The following FXYD7 variants were observed in gnomAD, a reference collection of about 807,000 sequenced individuals.
The protein encoded by FXYD7 is FXYD domain containing ion transport regulator 7.
Under a neutral mutation model 15.3 loss-of-function variants are expected in FXYD7, and 7 were observed. The ratio of observed to expected loss-of-function variants is 0.46; its 90% CI spans 0.26 to 0.86. The LOEUF is 0.86. Among genes scored for constraint, FXYD7 ranks in the 40% least tolerant of loss-of-function variants. FXYD7 has a pLI of 0.16. For missense variants in FXYD7, 78 were observed against 100.6 expected (o/e 0.78, Z 0.96); for synonymous variants, 39 against 39.3 (o/e 0.99, Z 0.03).
intron 2 of FXYD7, among the ~76,000 whole-genome samples, chr19:35,150,510 T>C (rs1211827061): frequency 6.6e-6 from 1 of 152,154 alleles, no homozygotes; most frequent in Non-Finnish European, 1.5e-5. Context: ...AGGATGGAAA[T>C]TCTGAATAGG....
chr19:35,151,216 G>T lies in FXYD7; in HGVS notation c.62-38G>T, dbSNP rs377042635. On this transcript the variant is annotated intron_variant, in intron 2 of 5. Coordinates refer to ENST00000270310, the MANE Select transcript of FXYD7 (RefSeq NM_022006.2). ...ACTGGGCTCCAGGTGCAGCCAAGGT[G>T]CTGTCCCTGCCTCGATGTCCCCCAT... The T allele has an allele frequency of 1.4e-4, 187 of 1,342,922 alleles. No homozygotes were observed. In the African/African-American group the frequency reaches 2.3e-3, roughly 17 times the overall value. 83.2% of individuals were successfully genotyped at this position (1,342,922 alleles called of 1,614,324 possible). A position where few individuals can be genotyped will look rare whatever the true frequency, so the allele number is the denominator to read the frequency against.
chr19:35,143,322 C>T lies in FXYD7; in HGVS notation c.-12C>T. On this transcript the variant is annotated 5_prime_UTR_variant, in exon 1 of 6. Transcript: ENST00000270310. This position sits in a 1 kb window ranked among gnomAD's most constrained non-coding sequence, Gnocchi z 4.3. ...CGCCAAAGCATCCAGCAGCCCCCTG[C>T]TCCGGCCCAGCATGGCGACCCCGAC... The T allele has an allele frequency of 6.5e-7, 1 of 1,537,106 alleles. No individual in the cohort carries two copies. The highest frequency in any genetic ancestry group is 8.8e-7 in the Non-Finnish European group (1 of 1,141,548).
At chr19:35,145,138 C>G (rs1050685841) in intron 1 of FXYD7, among the ~76,000 whole-genome samples, 1 of 152,088 alleles carries the variant, frequency 6.6e-6, no homozygotes, top group Admixed American at 6.5e-5. Context: ...AAGATTGAAA[C>G]CTGCATCTCA....
At chr19:35,144,102 T>C (rs1467865940) in intron 1 of FXYD7, among the ~76,000 whole-genome samples, 2 of 150,884 alleles carry the variant, frequency 1.3e-5, no homozygotes, top group East Asian at 2.0e-4. Flanking sequence ...GAGACCGCTA[T>C]GGAGAGAGAA....
intron 1 of FXYD7, among the ~76,000 whole-genome samples, chr19:35,146,412 C>T (rs917848437): frequency 4.6e-5 from 7 of 152,204 alleles, no homozygotes; most frequent in African/African-American, 9.7e-5. Flanking sequence ...GCTGGGATTA[C>T]AGGCATGAAT....
At chr19:35,147,948 G>A (rs562478915) in intron 1 of FXYD7, among the ~76,000 whole-genome samples, 10 of 151,216 alleles carry the variant, frequency 6.6e-5, no homozygotes, top group Middle Eastern at 3.4e-3. Context: ...AGCTGAGATC[G>A]CGCCACTGCA....
rs1019417013 is a variant in FXYD7 at position 35,143,557 on chromosome 19, G to A, written c.31+193G>A. 2.0e-5 allele frequency among the ~76,000 whole-genome samples: 3 copies of A among 152,224 alleles called. No individual in the cohort carries two copies. Among genetic ancestry groups the A allele is most frequent in the Non-Finnish European group, 4.4e-5 (3 of 68,038 alleles). ...CGGGTCTCTGGGACACCCCCTCCCC[G>A]GCAGGCGTCCTGTGCCAGACCTGCG... On this transcript the variant is annotated intron_variant, in intron 1 of 5. Transcript: ENST00000270310. The surrounding 1 kb of genome is among the most constrained non-coding windows in gnomAD (Gnocchi z 4.3).
intron 2 of FXYD7, chr19:35,149,333 T>A (rs1207757257): frequency 9.2e-6 from 3 of 327,728 alleles, no homozygotes; most frequent in Non-Finnish European, 1.8e-5. Flanking sequence ...TCTCAGGACC[T>A]TTGCGTGTGC....
chr19:35,148,093 A>G (rs865801630), intron 1 of FXYD7, among the ~76,000 whole-genome samples: 43 of 124,998 alleles, frequency 3.4e-4, no homozygotes, highest in East Asian at 3.0e-3. Context: ...GAAAGAAAGA[A>G]AGAGAGAGAG....
intron 2 of FXYD7, 57 bp from the exon 3 acceptor site, chr19:35,151,197 C>A: frequency 1.7e-6 from 2 of 1,150,156 alleles, no homozygotes; most frequent in African/African-American, 1.5e-5. Context: ...CAGGACTGGG[C>A]TCCAGGTGCA....
chr19:35,146,938 A>C (rs564940361), intron 1 of FXYD7, among the ~76,000 whole-genome samples: 1 of 152,298 alleles, frequency 6.6e-6, no homozygotes, highest in Non-Finnish European at 1.5e-5. Context: ...ATGCTGTGGT[A>C]ACAAACAGGT....
chr19:35,146,028 T>G (rs1389465412), intron 1 of FXYD7, among the ~76,000 whole-genome samples: 1 of 152,228 alleles, frequency 6.6e-6, no homozygotes, highest in Non-Finnish European at 1.5e-5. Context: ...TCACCCACTT[T>G]GGCTTCCCAA....
chr19:35,148,039 GAAAGAAAGAAAGAAAGAAA>G (rs1265153458), intron 1 of FXYD7, among the ~76,000 whole-genome samples: 1 of 51,342 alleles, frequency 1.9e-5, no homozygotes, highest in African/African-American at 1.1e-4. Flanking sequence ...AAGAAAGAAA[GAAAGAAAGAAAGAAAGAAA>G]GAAAGAAAGA....
intron 2 of FXYD7, chr19:35,149,767 C>T (rs562915529): frequency 6.6e-6 from 1 of 152,290 alleles, no homozygotes; most frequent in South Asian, 2.1e-4. Flanking sequence ...GACAGATACT[C>T]AAGAAAACAA....
chr19:35,148,826 G>A (rs768980243), intron 2 of FXYD7, 103 bp downstream of exon 2: 11 of 1,005,226 alleles, frequency 1.1e-5, no homozygotes, highest in Non-Finnish European at 1.6e-5. Flanking sequence ...ATACGTGCTG[G>A]GCCACTGGCC....
At chr19:35,150,517 T>C (rs1274104560) in intron 2 of FXYD7, among the ~76,000 whole-genome samples, 3 of 152,182 alleles carry the variant, frequency 2.0e-5, no homozygotes, top group Non-Finnish European at 4.4e-5. Context: ...AAATTCTGAA[T>C]AGGACAGCCA....
chr19:35,144,122 C>T (rs1189853400), intron 1 of FXYD7, among the ~76,000 whole-genome samples: 2 of 151,560 alleles, frequency 1.3e-5, no homozygotes, highest in African/African-American at 2.4e-5. Flanking sequence ...AGCAGAGAGA[C>T]GGAGGGAGAG....
At chr19:35,152,738 T>C (rs1331959567) in intron 5 of FXYD7, among the ~76,000 whole-genome samples, 1 of 150,048 alleles carries the variant, frequency 6.7e-6, no homozygotes, top group Non-Finnish European at 1.5e-5. Context: ...GGAGGGAGAA[T>C]GGGTGTAAGC....
In FXYD7 at chr19:35,148,734, G is replaced by C; in HGVS notation, c.61+11G>C. Reference sequence around the variant, plus strand: ...ACCCATTTTACTATGGTGAGTGTTGGATTTGGGGATAGGGCTGGACTGGGG... The same window carrying C: ...ACCCATTTTACTATGGTGAGTGTTGCATTTGGGGATAGGGCTGGACTGGGG... On this transcript the variant is annotated intron_variant, in intron 2 of 5. Coordinates refer to ENST00000270310, the MANE Select transcript of FXYD7 (RefSeq NM_022006.2). The C allele has an allele frequency of 6.2e-7, 1 of 1,608,834 alleles. No individual in the cohort carries two copies. Among genetic ancestry groups the C allele is most frequent in the East Asian group, 2.2e-5 (1 of 44,768 alleles).
Sources: gnomAD v4.1 joint callset for allele counts (sites outside exome capture counted in the v4.1 genomes callset) on GRCh38, gnomAD v4.1.1 for gene constraint, Gnocchi (gnomAD v3.1) non-coding constraint, MANE v1.5 for transcripts, NCBI Gene and HGNC (gene_info 2026-07-23, HGNC 2026-07-21) for gene names.